MSI2: variants seen among roughly 807,000 people sequenced by gnomAD.
MSI2 encodes musashi RNA binding protein 2, also known as RNA-binding protein Musashi homolog 2.
Under a neutral mutation model 45.6 loss-of-function variants are expected in MSI2, and 17 were observed. The ratio of observed to expected loss-of-function variants is 0.37; its 90% CI spans 0.26 to 0.56. The LOEUF (loss-of-function observed/expected upper bound fraction) is 0.56. MSI2 is among the 20% of genes least tolerant of loss of function. The pLI is 0.77. For missense variants in MSI2, 293 were observed against 444.2 expected, an observed-to-expected ratio of 0.66 and a Z score of 3.06; for synonymous variants, 156 against 158.2, an observed-to-expected ratio of 0.99 and a Z score of 0.11.
At chr17:57,356,174 C>G (rs970856087) in intron 5 of MSI2, among the ~76,000 whole-genome samples, 11 of 152,184 alleles carry the variant, frequency 7.2e-5, no homozygotes, top group African/African-American at 2.7e-4. Context: ...CGTGCCTGGC[C>G]AGTCTTTTTT....
chr17:57,619,288 C>T (rs1036586840), intron 9 of MSI2, among the ~76,000 whole-genome samples: 1 of 152,184 alleles, frequency 6.6e-6, no homozygotes, highest in South Asian at 2.1e-4. Context: ...GCTGCGTGAC[C>T]AGCCCTGGGT....
chr17:57,557,051 T>C (rs748788372), intron 7 of MSI2, among the ~76,000 whole-genome samples: 1 of 151,918 alleles, frequency 6.6e-6, no homozygotes, highest in Admixed American at 6.6e-5. Context: ...GGGCATGGAG[T>C]ATGGAGCCCA....
chr17:57,333,290 A>G (rs920838611), intron 5 of MSI2, among the ~76,000 whole-genome samples: 5 of 152,102 alleles, frequency 3.3e-5, no homozygotes, highest in African/African-American at 1.2e-4. Context: ...ATTACTAGCA[A>G]ATGACTACTT....
intron 6 of MSI2, among the ~76,000 whole-genome samples, chr17:57,481,420 C>T (rs755333598): frequency 3.3e-5 from 5 of 152,188 alleles, no homozygotes; most frequent in Non-Finnish European, 7.3e-5. Flanking sequence ...GCTTCTGCCA[C>T]TAAAATGGTA....
intron 6 of MSI2, among the ~76,000 whole-genome samples, chr17:57,461,225 T>C (rs987394371): frequency 1.3e-5 from 2 of 152,144 alleles, no homozygotes; most frequent in African/African-American, 4.8e-5. Context: ...TCACCCACTC[T>C]TCTCTGGGCT....
intron 5 of MSI2, among the ~76,000 whole-genome samples, chr17:57,367,189 A>G (rs903680493): frequency 1.3e-5 from 2 of 152,170 alleles, no homozygotes; most frequent in African/African-American, 2.4e-5. Context: ...CTCCTCCACT[A>G]TCTGTTGGAG....
rs1033025219 is a variant in MSI2, at chr17:57,632,809, A to G, written c.727+5506A>G. 3 of 1,065,336 alleles carry G rather than the reference A, an allele frequency of 2.8e-6. No individual in the cohort carries two copies. In the African/African-American group the frequency reaches 4.9e-5, roughly 17 times the overall value. The allele number at this position is 1,065,336 out of a possible 1,614,324, so 66.0% of individuals were successfully genotyped here. A position where few individuals can be genotyped will look rare whatever the true frequency, so the allele number is the denominator to read the frequency against. On this transcript the variant is annotated intron_variant, in intron 10 of 13. Coordinates refer to ENST00000284073, the MANE Select transcript of MSI2 (RefSeq NM_138962.4). ...TGACCCGCACGCTTCCATTTGATGC[A>G]TTTGATGTGAGTGAATCCATACATT...
At position 57,429,931 on chromosome 17, in the gene MSI2, G is replaced by A. The variant is rs188466708; in HGVS notation, c.405+28460G>A. On this transcript the variant is annotated intron_variant, in intron 6 of 13. Coordinates refer to ENST00000284073, the MANE Select transcript of MSI2 (RefSeq NM_138962.4). ...TTCTTGCCCCCATCACTTCCCAAGTGTGTGACCTTGGGCAAATTCATCTGT... is the reference window on the plus strand; with the variant it reads ...TTCTTGCCCCCATCACTTCCCAAGTATGTGACCTTGGGCAAATTCATCTGT... Among the ~76,000 whole-genome samples the A allele has an allele frequency of 6.2e-4, 94 of 152,294 alleles. No homozygotes were observed. In the East Asian group the frequency reaches 0.016, roughly 25 times the overall value.
chr17:57,482,455 G>A (rs1235155113), intron 6 of MSI2, among the ~76,000 whole-genome samples: 2 of 152,160 alleles, frequency 1.3e-5, no homozygotes, highest in Non-Finnish European at 2.9e-5. Context: ...TTGATTTCTT[G>A]CTGCTTGTTA....
At chr17:57,378,675 G>T (rs1359622844) in intron 5 of MSI2, among the ~76,000 whole-genome samples, 1 of 152,218 alleles carries the variant, frequency 6.6e-6, no homozygotes, top group African/African-American at 2.4e-5. Flanking sequence ...AGGATTACAG[G>T]AGTGAGCCAC....
intron 11 of MSI2, among the ~76,000 whole-genome samples, chr17:57,663,883 C>A (rs928309590): frequency 1.3e-5 from 2 of 152,150 alleles, no homozygotes; most frequent in Admixed American, 1.3e-4. Context: ...AGGGTTGTCC[C>A]CGTGGCTCCC....
chr17:57,700,004 A>C, the MSI2 span, among the ~76,000 whole-genome samples: 1 of 152,252 alleles, frequency 6.6e-6, no homozygotes. Context: ...TCCTGCATTA[A>C]CCAAATGACC....
chr17:57,398,094 G>A (rs962088029), intron 5 of MSI2, among the ~76,000 whole-genome samples: 3 of 152,186 alleles, frequency 2.0e-5, no homozygotes, highest in Admixed American at 6.5e-5. Context: ...GCAGGTTTAT[G>A]GCTATAAGGC....
rs79812427 is a variant in MSI2, at chr17:57,376,533, G to A, written c.313-24846G>A. Among the ~76,000 whole-genome samples, 29 of 152,290 alleles carry A rather than the reference G, an allele frequency of 1.9e-4. No individual in the cohort carries two copies. In the East Asian group the frequency reaches 5.2e-3, roughly 27 times the overall value. ...TGAGACCCTGACTTCTCATGACCCC[G>A]TGTTCTGGAGTTGGAGAAACTTCTG... On this transcript the variant is annotated intron_variant, in intron 5 of 13. Transcript: ENST00000284073.
At chr17:57,391,010 T>A (rs1055305444) in intron 5 of MSI2, among the ~76,000 whole-genome samples, 1 of 152,196 alleles carries the variant, frequency 6.6e-6, no homozygotes, top group African/African-American at 2.4e-5. Context: ...CATGCTCAAC[T>A]TTTGTGTAGA....
chr17:57,517,023 A>T (rs1035865844), intron 6 of MSI2, among the ~76,000 whole-genome samples: 1 of 152,202 alleles, frequency 6.6e-6, no homozygotes, highest in Non-Finnish European at 1.5e-5. Flanking sequence ...TGCATCTCTC[A>T]GCCTGTTGCT....
intron 13 of MSI2, among the ~76,000 whole-genome samples, chr17:57,677,812 G>A (rs1055658873): frequency 2.6e-5 from 4 of 152,166 alleles, no homozygotes; most frequent in African/African-American, 7.2e-5. Flanking sequence ...GAGGGAGGTT[G>A]GGGCAGTGAG....
intron 6 of MSI2, among the ~76,000 whole-genome samples, chr17:57,496,099 C>T (rs1345578701): frequency 1.3e-5 from 2 of 152,154 alleles, no homozygotes; most frequent in East Asian, 3.8e-4. Context: ...ATTATCACTG[C>T]GAATGATCCA....
intron 7 of MSI2, among the ~76,000 whole-genome samples, chr17:57,574,511 A>G (rs2144327592): frequency 6.6e-6 from 1 of 152,138 alleles, no homozygotes; most frequent in East Asian, 1.9e-4. Context: ...TCAAGGATGC[A>G]ATTCTGGGTC....
Sources: gnomAD v4.1 joint callset for allele counts (sites outside exome capture counted in the v4.1 genomes callset) on GRCh38, gnomAD v4.1.1 for gene constraint, MANE v1.5 for transcripts, NCBI Gene and HGNC (gene_info 2026-07-23, HGNC 2026-07-21) for gene names.